Variants in FNDC3B observed in about 807,000 individuals in gnomAD.
The protein encoded by FNDC3B is fibronectin type III domain-containing protein 3B.
FNDC3B carries 12 observed loss-of-function variants against 151.5 expected under a neutral mutation model. The ratio of observed to expected loss-of-function variants is 0.08; its 90% confidence interval spans 0.05 to 0.13. The LOEUF is 0.13. FNDC3B is among the 10% of genes least tolerant of loss of function. The pLI, the probability that FNDC3B is intolerant of heterozygous loss-of-function variation, is 1.00. For synonymous variants in FNDC3B, 528 were observed against 549.0 expected, an observed-to-expected ratio of 0.96 and a Z score of 0.54; for missense variants, 1,214 against 1,505.3, an observed-to-expected ratio of 0.81 and a Z score of 3.20.
chr3:172,344,321 G>T (rs986506158), intron 19 of FNDC3B, 63 bp downstream of exon 19: 2 of 1,474,460 alleles, frequency 1.4e-6, no homozygotes, highest in African/African-American at 2.8e-5. Context: ...CAAAGTGCTA[G>T]CACTTCTGTC....
intron 1 of FNDC3B, among the ~76,000 whole-genome samples, chr3:172,076,731 T>C (rs1718030992): frequency 6.6e-6 from 1 of 152,194 alleles, no homozygotes; most frequent in South Asian, 2.1e-4. Flanking sequence ...AAAGTTTCCA[T>C]TGTATTTGAT....
intron 3 of FNDC3B, among the ~76,000 whole-genome samples, chr3:172,222,308 A>C (rs1726317347): frequency 6.6e-6 from 1 of 152,230 alleles, no homozygotes; most frequent in African/African-American, 2.4e-5. Context: ...ATAATTGATT[A>C]GTTTATAGCT....
At chr3:172,242,569 C>G (rs895256815) in intron 4 of FNDC3B, among the ~76,000 whole-genome samples, 1 of 152,196 alleles carries the variant, frequency 6.6e-6, no homozygotes, top group African/African-American at 2.4e-5. Flanking sequence ...TGAGCTGTAC[C>G]TTGGCCCCTT....
chr3:172,191,732 A>G (rs1724518744), intron 3 of FNDC3B, among the ~76,000 whole-genome samples: 1 of 152,126 alleles, frequency 6.6e-6, no homozygotes, highest in Non-Finnish European at 1.5e-5. Flanking sequence ...TCTGGGCTCA[A>G]GTGATCCTCC....
At chr3:172,177,140 T>C (rs558490641) in intron 3 of FNDC3B, among the ~76,000 whole-genome samples, 1 of 152,306 alleles carries the variant, frequency 6.6e-6, no homozygotes, top group Non-Finnish European at 1.5e-5. Context: ...CAGGATTCTT[T>C]GCTAAAACCA....
At chr3:172,385,297 G>A (rs1009783369) in intron 25 of FNDC3B, among the ~76,000 whole-genome samples, 2 of 152,238 alleles carry the variant, frequency 1.3e-5, no homozygotes, top group East Asian at 1.9e-4. Context: ...CCACCACAGC[G>A]GAGCTACAGG....
rs1733425860 is a variant in FNDC3B at position 172,343,181 on chromosome 3, T to G, written c.2077+65T>G. ...ACAATTGGAGATGAAGACTTATGCT[T>G]TGTAGTTAAGTTTCAAAGCTTTCTT... On this transcript the variant is annotated intron_variant, in intron 18 of 25. Coordinates refer to ENST00000415807, the MANE Select transcript of FNDC3B (RefSeq NM_022763.4). 7.9e-6 allele frequency: 7 copies of G among 880,796 alleles called. No individual in the cohort carries two copies. In the South Asian group the frequency reaches 8.0e-5, roughly 10 times the overall value. 54.6% of individuals were successfully genotyped at this position (880,796 alleles called of 1,614,324 possible).
rs796460959 is a variant in FNDC3B at position 172,102,396 on chromosome 3, AT to A, written c.-28-10046del. ...ATCAGTTGTTTGGTGCTTGCAACAC[AT>A]TTTTTTTTTCTTCTATTCAAGGGTG... On this transcript the variant is annotated intron_variant, in intron 1 of 25. Coordinates refer to ENST00000415807, the MANE Select transcript of FNDC3B (RefSeq NM_022763.4). Among the ~76,000 whole-genome samples, 228 of 149,822 alleles carry A rather than the reference AT, an allele frequency of 1.5e-3. 1 individual carries two copies. The highest frequency in any genetic ancestry group is 3.0e-3 in the African/African-American group (122 of 40,932).
At chr3:172,140,951 GT>G (rs1403671633) in intron 3 of FNDC3B, among the ~76,000 whole-genome samples, 1 of 152,218 alleles carries the variant, frequency 6.6e-6, no homozygotes, top group African/African-American at 2.4e-5. Flanking sequence ...TTGGTGTTGA[GT>G]TCTCAGAGTA....
At position 172,229,959 on chromosome 3, in the gene FNDC3B, T is replaced by G. The variant is rs1308270797; in HGVS notation, c.264+3012T>G. Among the ~76,000 whole-genome samples, 2 of 152,104 alleles carry G rather than the reference T, an allele frequency of 1.3e-5. 1 individual carries two copies. Among genetic ancestry groups the G allele is most frequent in the East Asian group, 3.9e-4 (2 of 5,192 alleles). On this transcript the variant is annotated intron_variant, in intron 4 of 25. Transcript: ENST00000415807. ...GTGCTGGAAAAGCTGGATATCCACA[T>G]GCAAAAAGAGTGAAGTTGAACCACT...
At chr3:172,363,756 A>C (rs1161745450) in intron 23 of FNDC3B, among the ~76,000 whole-genome samples, 1 of 152,236 alleles carries the variant, frequency 6.6e-6, no homozygotes, top group Admixed American at 6.5e-5. Context: ...CCTACTCTGC[A>C]GTCAAGCACT....
intron 3 of FNDC3B, among the ~76,000 whole-genome samples, chr3:172,187,514 T>C (rs1724252306): frequency 6.6e-6 from 1 of 152,194 alleles, no homozygotes; most frequent in Non-Finnish European, 1.5e-5. Flanking sequence ...AGGAATATTA[T>C]AATAGAAACA....
chr3:172,123,500 T>C (rs1720658257), intron 2 of FNDC3B, among the ~76,000 whole-genome samples: 1 of 152,218 alleles, frequency 6.6e-6, no homozygotes, highest in Non-Finnish European at 1.5e-5. Context: ...CTGAGCATGT[T>C]ACTGTCTCAG....
At chr3:172,126,046 T>C (rs1720795124) in intron 2 of FNDC3B, among the ~76,000 whole-genome samples, 1 of 152,154 alleles carries the variant, frequency 6.6e-6, no homozygotes, top group African/African-American at 2.4e-5. Context: ...TTGGAGGCCT[T>C]GGGAAATAAA....
chr3:172,174,066 C>A, intron 3 of FNDC3B, among the ~76,000 whole-genome samples: 1 of 152,118 alleles, frequency 6.6e-6, no homozygotes, highest in Admixed American at 6.5e-5. Flanking sequence ...CTCTGTGGCA[C>A]CTCCTTAGGT....
In FNDC3B at chr3:172,337,217, C is replaced by G. The variant is rs776835493; in HGVS notation, c.1781-113C>G. 2.8e-5 allele frequency: 18 copies of G among 637,630 alleles called. No individual in the cohort carries two copies. The African/African-American group carries it at 3.2e-4, about 11-fold the overall frequency. The allele number at this position is 637,630 out of a possible 1,614,324, so 39.5% of individuals were successfully genotyped here. A position where few individuals can be genotyped will look rare whatever the true frequency, so the allele number is the denominator to read the frequency against. On this transcript the variant is annotated intron_variant, in intron 15 of 25. Coordinates refer to ENST00000415807, the MANE Select transcript of FNDC3B (RefSeq NM_022763.4). ...GAAATAAATTATTTTGCCTTTTGGTCATGTCTAGAATTCAGATAGTATAAT... is the reference window on the plus strand; with the variant it reads ...GAAATAAATTATTTTGCCTTTTGGTGATGTCTAGAATTCAGATAGTATAAT...
At chr3:172,396,073 T>G (rs139709810) in intron 25 of FNDC3B, among the ~76,000 whole-genome samples, 131 of 152,328 alleles carry the variant, frequency 8.6e-4, no homozygotes, top group African/African-American at 2.9e-3. Context: ...TCTCAAAATT[T>G]GAACAAAAAC....
rs1389873748 is a variant in FNDC3B at position 172,307,494 on chromosome 3, A to G, written c.1193A>G (p.Gln398Arg). Reference protein sequence around the residue: ...AHRSKSSLTLQWKAPIDNGSK... With the variant: ...AHRSKSSLTLRWKAPIDNGSK... ...AGGAGCAAAAGTTCACTAACCCTGC[A>G]GTGGAAGGTGGGTAGCTCAAAGCAT... is the stretch of plus-strand genomic sequence containing the variant. The change falls in exon 10 of 26, where the codon CAG (glutamine) becomes CGG (arginine). Residue 398 changes from glutamine (Q) to arginine (R), a missense_variant. Coordinates refer to ENST00000415807, the MANE Select transcript of FNDC3B (RefSeq NM_022763.4). 1 of 1,614,098 alleles carries G rather than the reference A, an allele frequency of 6.2e-7. No individual in the cohort carries two copies. Among genetic ancestry groups the G allele is most frequent in the Admixed American group, 1.7e-5 (1 of 60,022 alleles).
At chr3:172,285,852 C>T in intron 6 of FNDC3B, 74 bp from the exon 7 acceptor site, 1 of 1,117,448 alleles carries the variant, frequency 8.9e-7, no homozygotes, top group Non-Finnish European at 1.3e-6. Context: ...GTTAAAAGGC[C>T]TTGGGGAAGG....
Sources: gnomAD v4.1 joint callset for allele counts (sites outside exome capture counted in the v4.1 genomes callset) on GRCh38, gnomAD v4.1.1 for gene constraint, MANE v1.5 for transcripts, NCBI Gene and HGNC (gene_info 2026-07-23, HGNC 2026-07-21) for gene names.